Variants in SFT2D2 observed in about 807,000 individuals in gnomAD.
SFT2D2 encodes the protein SFT2 domain containing 2.
Under a neutral mutation model 27.4 loss-of-function variants are expected in SFT2D2, and 21 were observed. The observed-to-expected ratio is 0.77, with a 90% confidence interval of 0.54 to 1.10. The LOEUF (loss-of-function observed/expected upper bound fraction) is 1.10, where lower values mean the gene tolerates loss of function less well. SFT2D2 is among the 50% of genes least tolerant of loss of function. The pLI, the probability that SFT2D2 is intolerant of heterozygous loss-of-function variation, is 0.00. For synonymous variants in SFT2D2, 72 were observed against 71.7 expected (o/e 1.00, Z -0.02); for missense variants, 187 against 194.2 (o/e 0.96, Z 0.22).
At chr1:168,235,833 G>A (rs1019096213) in intron 4 of SFT2D2, among the ~76,000 whole-genome samples, 3 of 152,082 alleles carry the variant, frequency 2.0e-5, no homozygotes, top group Non-Finnish European at 4.4e-5. Flanking sequence ...TGCAACATTT[G>A]GAACTTGAAG....
chr1:168,239,417 A>G (rs1647587378), intron 7 of SFT2D2, among the ~76,000 whole-genome samples: 1 of 149,270 alleles, frequency 6.7e-6, no homozygotes, highest in Non-Finnish European at 1.5e-5. Context: ...TGGTGCATAT[A>G]TGCACATTAT....
chr1:168,246,982 G>A lies in SFT2D2; in HGVS notation c.*4442G>A, dbSNP rs765663556. 1.7e-6 allele frequency: 1 copy of A among 585,104 alleles called. No homozygotes were observed. The highest frequency in any genetic ancestry group is 3.2e-6 in the Non-Finnish European group (1 of 313,930). 36.2% of individuals were successfully genotyped at this position (585,104 alleles called of 1,614,324 possible). On this transcript the variant is annotated 3_prime_UTR_variant, in exon 8 of 8. Transcript: ENST00000271375. Reference sequence around the variant, plus strand: ...TCATCTTGCATCAAATGGTTTTTATGCAACAGGTCTTCTTCTTTTTCATGA... The same window carrying A: ...TCATCTTGCATCAAATGGTTTTTATACAACAGGTCTTCTTCTTTTTCATGA...
rs1388602124 is a variant in SFT2D2, at chr1:168,235,188, G to T, written c.318+6G>T. 5 of 1,613,648 alleles carry T rather than the reference G, an allele frequency of 3.1e-6. No individual in the cohort carries two copies. Among genetic ancestry groups the T allele is most frequent in the African/African-American group, 2.7e-5 (2 of 74,660 alleles). ...TTGCAACTATCATGGTGCTGGTAAG[G>T]TCTGCTTTTTAGCTGGACTTCTCAG... On this transcript the variant is annotated splice_donor_region_variant and intron_variant, in intron 4 of 7. Transcript: ENST00000271375.
At chr1:168,235,382 G>A (rs1394874016) in intron 4 of SFT2D2, among the ~76,000 whole-genome samples, 200 bp downstream of exon 4, 1 of 152,180 alleles carries the variant, frequency 6.6e-6, no homozygotes, top group Non-Finnish European at 1.5e-5. Flanking sequence ...GTGTTTCAGT[G>A]GGTGTCAAGG....
rs1647944815 is a variant in SFT2D2 at position 168,251,276 on chromosome 1, C to G, written c.*8736C>G. The stretch of plus-strand genomic sequence containing the variant: ...AGTTCAGTGAGCCGAGATCGCACCC[C>G]TGCACTCCAGCCTGAGCAACAGAGT... On this transcript the variant is annotated 3_prime_UTR_variant, in exon 8 of 8. Transcript: ENST00000271375. 6.6e-6 allele frequency: 1 copy of G among 152,100 alleles called. No individual in the cohort carries two copies. The highest frequency in any genetic ancestry group is 2.1e-4 in the South Asian group (1 of 4,820). The allele number at this position is 152,100 out of a possible 1,614,324, so 9.4% of individuals were successfully genotyped here.
Position 168,235,118 on chromosome 1 carries a change from GA to G in SFT2D2, c.255del (p.Pro86GlnfsTer2). 1 of 1,614,132 alleles carries G rather than the reference GA, an allele frequency of 6.2e-7. No individual in the cohort carries two copies. The highest frequency in any genetic ancestry group is 8.5e-7 in the Non-Finnish European group (1 of 1,180,012). On this transcript the variant is annotated frameshift_variant, in exon 4 of 8. Transcript: ENST00000271375. LOFTEE classifies it high-confidence loss of function. ...CCTTTTAGTACCATCTTCCTCATGGGACCAGTGAAACAGCTGAAGCGAATGT... is the reference window on the plus strand; with the variant it reads ...CCTTTTAGTACCATCTTCCTCATGGGCCAGTGAAACAGCTGAAGCGAATGT... ...ASIGSTIFLM[G>X]PVKQLKRMFE...
chr1:168,246,535 C>A lies in SFT2D2; in HGVS notation c.*3995C>A, dbSNP rs1399548323. ...CTCAGTTTTGAGGCACCTGGACTTA[C>A]TCTCAGCTTTAGAAAGTTGCTGAGA... On this transcript the variant is annotated 3_prime_UTR_variant, in exon 8 of 8. Coordinates refer to ENST00000271375, the MANE Select transcript of SFT2D2 (RefSeq NM_199344.3). 7.3e-6 allele frequency: 11 copies of A among 1,502,002 alleles called. No individual in the cohort carries two copies. In the East Asian group the frequency reaches 2.7e-4, roughly 37 times the overall value. 93.0% of individuals were successfully genotyped at this position (1,502,002 alleles called of 1,614,324 possible). A position where few individuals can be genotyped will look rare whatever the true frequency, so the allele number is the denominator to read the frequency against.
At position 168,243,595 on chromosome 1, in the gene SFT2D2, T is replaced by A. The variant is rs1416498227; in HGVS notation, c.*1055T>A. On this transcript the variant is annotated 3_prime_UTR_variant, in exon 8 of 8. Transcript: ENST00000271375. ...TCTCATGTCAGCCTGATGCCTAACC[T>A]ACAAAGTGCTTTTGTGTCCACGATC... is the stretch of plus-strand genomic sequence containing the variant. 6.6e-6 allele frequency: 1 copy of A among 152,382 alleles called. No homozygotes were observed. The highest frequency in any genetic ancestry group is 1.5e-5 in the Non-Finnish European group (1 of 68,210). 9.4% of individuals were successfully genotyped at this position (152,382 alleles called of 1,614,324 possible). A position where few individuals can be genotyped will look rare whatever the true frequency, so the allele number is the denominator to read the frequency against.
At position 168,245,717 on chromosome 1, in the gene SFT2D2, G is replaced by A. The variant is rs1221132599; in HGVS notation, c.*3177G>A. On this transcript the variant is annotated 3_prime_UTR_variant, in exon 8 of 8. Transcript: ENST00000271375. ...CATGGCCTGTAGGTTGGGAACCTCT[G>A]CTACAGAGGATCCAGATTTAAATTC... The A allele has an allele frequency of 6.6e-6, 1 of 152,498 alleles. No individual in the cohort carries two copies. The highest frequency in any genetic ancestry group is 1.5e-5 in the Non-Finnish European group (1 of 68,334). The allele number at this position is 152,498 out of a possible 1,614,324, so 9.4% of individuals were successfully genotyped here. A position where few individuals can be genotyped will look rare whatever the true frequency, so the allele number is the denominator to read the frequency against.
Position 168,244,833 on chromosome 1 carries a change from C to A in SFT2D2, c.*2293C>A, listed in dbSNP as rs1647764340. ...CCTGGAATAAGACACCTAGAAGGCT[C>A]ATCCCTCCATGTCCATGTCCTTTTT... On this transcript the variant is annotated 3_prime_UTR_variant, in exon 8 of 8. Transcript: ENST00000271375. 6.6e-6 allele frequency: 1 copy of A among 151,942 alleles called. No individual in the cohort carries two copies. 9.4% of individuals were successfully genotyped at this position (151,942 alleles called of 1,614,324 possible). A position where few individuals can be genotyped will look rare whatever the true frequency, so the allele number is the denominator to read the frequency against.
intron 1 of SFT2D2, chr1:168,229,474 C>A (rs1461609526): frequency 6.6e-6 from 1 of 152,302 alleles, no homozygotes; most frequent in Admixed American, 6.5e-5. Flanking sequence ...ATGTGGTGCT[C>A]AGGGAACCAT....
At chr1:168,234,668 T>C (rs1647436961) in intron 3 of SFT2D2, among the ~76,000 whole-genome samples, 1 of 152,232 alleles carries the variant, frequency 6.6e-6, no homozygotes, top group Non-Finnish European at 1.5e-5. Flanking sequence ...TGCTCTACTT[T>C]TTAACATAAG....
chr1:168,239,084 C>G, intron 6 of SFT2D2, 47 bp from the exon 7 acceptor site: 23 of 1,409,458 alleles, frequency 1.6e-5, no homozygotes, highest in African/African-American at 2.8e-5. Flanking sequence ...GGATAATCTG[C>G]TACTCCCTTC....
intron 1 of SFT2D2, among the ~76,000 whole-genome samples, chr1:168,227,188 G>C (rs768078928): frequency 6.6e-6 from 1 of 152,216 alleles, no homozygotes; most frequent in East Asian, 1.9e-4. Context: ...CACACAGAAT[G>C]CTGCATTTCT....
chr1:168,232,939 C>T (rs1445780634), intron 3 of SFT2D2, among the ~76,000 whole-genome samples: 2 of 152,202 alleles, frequency 1.3e-5, no homozygotes, highest in Non-Finnish European at 2.9e-5. Context: ...GATGCATCTG[C>T]TTGGTCTCTC....
rs927479631 is a variant in SFT2D2 at position 168,248,742 on chromosome 1, A to G, written c.*6202A>G. ...CTGGACTTTTTATGGTTGGTAGGCTATTAATTACTGCCTCAATTTCAGAAC... is the reference window on the plus strand; with the variant it reads ...CTGGACTTTTTATGGTTGGTAGGCTGTTAATTACTGCCTCAATTTCAGAAC... On this transcript the variant is annotated 3_prime_UTR_variant, in exon 8 of 8. Coordinates refer to ENST00000271375, the MANE Select transcript of SFT2D2 (RefSeq NM_199344.3). 2 of 152,206 alleles carry G rather than the reference A, an allele frequency of 1.3e-5. No homozygotes were observed. Among genetic ancestry groups the G allele is most frequent in the Admixed American group, 6.5e-5 (1 of 15,278 alleles). The allele number at this position is 152,206 out of a possible 1,614,324, so 9.4% of individuals were successfully genotyped here.
In SFT2D2 at chr1:168,251,735, C is replaced by T. The variant is rs1171391087; in HGVS notation, c.*9195C>T. The T allele has an allele frequency of 6.6e-6, 1 of 150,876 alleles. No individual in the cohort carries two copies. Among genetic ancestry groups the T allele is most frequent in the Non-Finnish European group, 1.5e-5 (1 of 67,848 alleles). 9.3% of individuals were successfully genotyped at this position (150,876 alleles called of 1,614,324 possible). ...AAAATCTTAAGTTTTTTTTAGTAAG[C>T]TTAAGATGTCCAGTAGTTTATTTGC... On this transcript the variant is annotated 3_prime_UTR_variant, in exon 8 of 8. Coordinates refer to ENST00000271375, the MANE Select transcript of SFT2D2 (RefSeq NM_199344.3).
At chr1:168,238,138 G>A (rs1647555081) in intron 6 of SFT2D2, among the ~76,000 whole-genome samples, 1 of 152,128 alleles carries the variant, frequency 6.6e-6, no homozygotes, top group South Asian at 2.1e-4. Flanking sequence ...TATGGAGCCT[G>A]TTCCTTGTAT....
chr1:168,234,007 G>C (rs573731711), intron 3 of SFT2D2, among the ~76,000 whole-genome samples: 44 of 152,178 alleles, frequency 2.9e-4, no homozygotes, highest in Non-Finnish European at 4.9e-4. Flanking sequence ...TTATTGGCCG[G>C]GTGTGGTGGC....
Sources: gnomAD v4.1 joint callset for allele counts (sites outside exome capture counted in the v4.1 genomes callset) on GRCh38, gnomAD v4.1.1 for gene constraint, MANE v1.5 for transcripts, NCBI Gene and HGNC (gene_info 2026-07-23, HGNC 2026-07-21) for gene names.